The following ERBIN variants were observed in gnomAD, a reference collection of about 807,000 sequenced individuals.
ERBIN encodes erbb2 interacting protein, also known as densin-180-like protein.
Under a neutral mutation model 158.4 loss-of-function variants are expected in ERBIN, and 60 were observed. The observed-to-expected ratio is 0.38, with a 90% CI of 0.31 to 0.47. ERBIN has a LOEUF of 0.47. ERBIN is among the 20% of genes least tolerant of loss of function. The pLI is 0.99. For missense variants in ERBIN, 1,610 were observed against 1,648.0 expected (o/e 0.98, Z 0.40); for synonymous variants, 594 against 557.2 (o/e 1.07, Z -0.93).
At chr5:66,069,862 T>C (rs1324543171) in intron 21 of ERBIN, among the ~76,000 whole-genome samples, 3 of 152,148 alleles carry the variant, frequency 2.0e-5, no homozygotes, top group Admixed American at 1.3e-4. Flanking sequence ...CATTTTAATA[T>C]ATCCCTGGCT....
chr5:65,992,087 T>A (rs921628926), intron 2 of ERBIN, among the ~76,000 whole-genome samples: 5 of 152,208 alleles, frequency 3.3e-5, no homozygotes, highest in African/African-American at 1.2e-4. Context: ...TAAGTAAAAT[T>A]AAATAAAAAT....
intron 1 of ERBIN, among the ~76,000 whole-genome samples, chr5:65,969,303 A>T (rs1244230260): frequency 6.6e-6 from 1 of 152,196 alleles, no homozygotes; most frequent in Non-Finnish European, 1.5e-5. Context: ...TAGAAAGGAA[A>T]AACTATTATT....
At chr5:65,968,616 A>G (rs148002240) in intron 1 of ERBIN, among the ~76,000 whole-genome samples, 103 of 152,290 alleles carry the variant, frequency 6.8e-4, no homozygotes, top group African/African-American at 2.3e-3. Flanking sequence ...GCTGGAGTGC[A>G]GTGGCCCGAT....
intron 1 of ERBIN, among the ~76,000 whole-genome samples, chr5:65,934,809 AGGTTT>A (rs1335496864): frequency 6.6e-6 from 1 of 152,174 alleles, no homozygotes; most frequent in Non-Finnish European, 1.5e-5. Context: ...ACATGTACCT[AGGTTT>A]ATCTTCGCAA....
At chr5:65,975,293 C>T (rs1368439999) in intron 1 of ERBIN, among the ~76,000 whole-genome samples, 12 of 152,004 alleles carry the variant, frequency 7.9e-5, no homozygotes, top group Admixed American at 7.9e-4. Context: ...CATGCGTGAG[C>T]CACCACATCC....
intron 21 of ERBIN, 108 bp downstream of exon 21, chr5:66,055,059 G>A (rs1759456246): frequency 7.0e-7 from 1 of 1,427,336 alleles, no homozygotes; most frequent in East Asian, 2.5e-5. Context: ...TATATTCTAG[G>A]TGTTTTTCTC....
At chr5:65,998,206 C>T (rs779471012) in intron 4 of ERBIN, among the ~76,000 whole-genome samples, 14 of 148,842 alleles carry the variant, frequency 9.4e-5, no homozygotes, top group Non-Finnish European at 4.4e-5. Context: ...CTAGCTTGGG[C>T]GACACAGCAA....
At chr5:65,931,586 T>C (rs1384261526) in intron 1 of ERBIN, among the ~76,000 whole-genome samples, 1 of 152,216 alleles carries the variant, frequency 6.6e-6, no homozygotes, top group Non-Finnish European at 1.5e-5. Context: ...TAGTGTAACA[T>C]TGTTTTAATA....
intron 21 of ERBIN, chr5:66,068,904 A>C: frequency 1.3e-6 from 2 of 1,535,458 alleles, no homozygotes; most frequent in Non-Finnish European, 1.7e-6. Context: ...CTTTAATTCC[A>C]ATTTTACTAC....
chr5:65,939,027 A>G (rs774372535), intron 1 of ERBIN, among the ~76,000 whole-genome samples: 25 of 152,212 alleles, frequency 1.6e-4, no homozygotes, highest in Non-Finnish European at 3.4e-4. Flanking sequence ...CTTAGTATTT[A>G]GTGTGATGTA....
chr5:66,000,420 C>G (rs1476484694), intron 4 of ERBIN, among the ~76,000 whole-genome samples: 3 of 152,128 alleles, frequency 2.0e-5, no homozygotes, highest in Admixed American at 6.5e-5. Context: ...ACCTATTAGA[C>G]TGCAGAGTAG....
intron 21 of ERBIN, among the ~76,000 whole-genome samples, chr5:66,062,280 A>G (rs189743504): frequency 0.04 from 6,131 of 152,002 alleles, 419 homozygotes; most frequent in African/African-American, 0.14. Context: ...TTCACGCTTC[A>G]TTTCATTCAT....
intron 1 of ERBIN, among the ~76,000 whole-genome samples, chr5:65,987,489 G>A (rs1751391914): frequency 6.6e-6 from 1 of 152,088 alleles, no homozygotes; most frequent in African/African-American, 2.4e-5. Context: ...TTGAGCCCAG[G>A]AGGTTGAGGC....
At chr5:65,964,517 A>G (rs1379609038) in intron 1 of ERBIN, among the ~76,000 whole-genome samples, 9 of 152,334 alleles carry the variant, frequency 5.9e-5, no homozygotes, top group Admixed American at 5.9e-4. Flanking sequence ...TTTGTATAAG[A>G]TTACTGAAAT....
At chr5:66,057,387 C>T (rs1759705978) in intron 21 of ERBIN, among the ~76,000 whole-genome samples, 1 of 152,072 alleles carries the variant, frequency 6.6e-6, no homozygotes, top group African/African-American at 2.4e-5. Context: ...TCATCATCAC[C>T]ATCTTTTAAA....
intron 1 of ERBIN, among the ~76,000 whole-genome samples, chr5:65,945,687 A>T (rs974095591): frequency 6.6e-5 from 10 of 152,196 alleles, no homozygotes; most frequent in Admixed American, 6.5e-4. Context: ...TAGTTGCTTT[A>T]GCTAATTTTC....
chr5:66,036,761 A>G (rs1232617530), intron 14 of ERBIN, among the ~76,000 whole-genome samples: 1 of 152,194 alleles, frequency 6.6e-6, no homozygotes, highest in Non-Finnish European at 1.5e-5. Flanking sequence ...TGAATGAGTG[A>G]TCTTTATATT....
chr5:65,930,666 AT>A (rs1743252370), intron 1 of ERBIN, among the ~76,000 whole-genome samples: 1 of 152,160 alleles, frequency 6.6e-6, no homozygotes, highest in South Asian at 2.1e-4. Flanking sequence ...TGTTCTTAAA[AT>A]TGACTGTTAA....
At chr5:66,033,506 A>G (rs572680370) in intron 14 of ERBIN, among the ~76,000 whole-genome samples, 2 of 152,302 alleles carry the variant, frequency 1.3e-5, no homozygotes, top group Admixed American at 1.3e-4. Flanking sequence ...TGAAGGAAGA[A>G]GTTGTTAATA....
Sources: allele counts gnomAD v4.1 joint callset (sites outside exome capture counted in the v4.1 genomes callset), GRCh38; gene constraint gnomAD v4.1.1; transcripts MANE v1.5; gene names NCBI Gene and HGNC (gene_info 2026-07-23, HGNC 2026-07-21).